CDK6: variants seen among roughly 807,000 people sequenced by gnomAD.
CDK6 encodes cyclin-dependent kinase 6.
CDK6 carries 6 observed loss-of-function variants against 37.1 expected under a neutral mutation model. The ratio of observed to expected loss-of-function variants is 0.16; its 90% confidence interval spans 0.09 to 0.32. The LOEUF is 0.32. CDK6 is among the 10% of genes least tolerant of loss of function. The probability of loss-of-function intolerance (pLI) is 1.00; values close to 1 mark genes in which losing one functional copy is unlikely to be tolerated. For synonymous variants in CDK6, 160 were observed against 161.3 expected (o/e 0.99, Z 0.06); for missense variants, 224 against 418.9 (o/e 0.53, Z 4.06).
At chr7:92,734,914 T>C (rs1009800017) in intron 3 of CDK6, among the ~76,000 whole-genome samples, 1 of 152,150 alleles carries the variant, frequency 6.6e-6, no homozygotes, top group African/African-American at 2.4e-5. Flanking sequence ...TATCTTACCA[T>C]CTCTTTCAGA....
At chr7:92,697,860 T>C (rs1797756123) in intron 4 of CDK6, among the ~76,000 whole-genome samples, 1 of 152,230 alleles carries the variant, frequency 6.6e-6, no homozygotes, top group Non-Finnish European at 1.5e-5. Context: ...ATTTATATAT[T>C]AATTTCACAT....
At chr7:92,649,789 T>C (rs1161278568) in intron 5 of CDK6, among the ~76,000 whole-genome samples, 1 of 152,182 alleles carries the variant, frequency 6.6e-6, no homozygotes, top group Non-Finnish European at 1.5e-5. Flanking sequence ...TGTGCTTAAC[T>C]ACCTTTGGAA....
At chr7:92,621,415 T>C (rs1795803000) in intron 6 of CDK6, among the ~76,000 whole-genome samples, 1 of 152,184 alleles carries the variant, frequency 6.6e-6, no homozygotes. Flanking sequence ...TTCTGGTCCA[T>C]TTCACTGGCC....
chr7:92,725,313 G>A (rs753752829), intron 4 of CDK6: 7 of 985,276 alleles, frequency 7.1e-6, no homozygotes, highest in African/African-American at 1.7e-5. Context: ...CCTAGGCATT[G>A]TACATACAGC....
At chr7:92,625,000 G>T (rs1401225468) in intron 5 of CDK6, among the ~76,000 whole-genome samples, 2 of 151,892 alleles carry the variant, frequency 1.3e-5, no homozygotes, top group East Asian at 3.9e-4. Context: ...TGGGGAAAGG[G>T]TCTGTTTGGC....
intron 2 of CDK6, among the ~76,000 whole-genome samples, chr7:92,807,366 T>A (rs1054694263): frequency 2.0e-5 from 3 of 151,996 alleles, no homozygotes; most frequent in African/African-American, 7.2e-5. Flanking sequence ...TCTGTATCTA[T>A]ATCTAGATAT....
chr7:92,665,669 A>G (rs542647701), intron 5 of CDK6, among the ~76,000 whole-genome samples: 1 of 152,356 alleles, frequency 6.6e-6, no homozygotes, highest in Admixed American at 6.5e-5. Flanking sequence ...CCAATACAGG[A>G]CAGATTCTAA....
At chr7:92,818,202 C>G (rs932258784) in intron 2 of CDK6, among the ~76,000 whole-genome samples, 1 of 151,844 alleles carries the variant, frequency 6.6e-6, no homozygotes, top group African/African-American at 2.4e-5. Flanking sequence ...TGATTAAGAC[C>G]TATACATTAT....
intron 5 of CDK6, among the ~76,000 whole-genome samples, chr7:92,639,826 C>A (rs1485927956): frequency 6.6e-6 from 1 of 152,186 alleles, no homozygotes; most frequent in Admixed American, 6.5e-5. Flanking sequence ...TTTCCAACCA[C>A]AGATTAATAC....
At chr7:92,679,806 G>A (rs770713186) in intron 4 of CDK6, among the ~76,000 whole-genome samples, 3 of 150,158 alleles carry the variant, frequency 2.0e-5, no homozygotes, top group Non-Finnish European at 3.0e-5. Context: ...CTGCAACCTC[G>A]GTCTCCCGGG....
intron 4 of CDK6, among the ~76,000 whole-genome samples, chr7:92,697,711 C>T (rs886628895): frequency 1.3e-5 from 2 of 152,056 alleles, no homozygotes; most frequent in African/African-American, 2.4e-5. Flanking sequence ...TTGGGGACTC[C>T]AAGGCATGTC....
chr7:92,620,085 A>G (rs1054739319), intron 6 of CDK6, among the ~76,000 whole-genome samples: 1 of 152,148 alleles, frequency 6.6e-6, no homozygotes, highest in Non-Finnish European at 1.5e-5. Context: ...GAAATTGATT[A>G]TATTAATAAC....
intron 5 of CDK6, among the ~76,000 whole-genome samples, chr7:92,668,690 C>T (rs1261714552): frequency 1.3e-5 from 2 of 152,170 alleles, no homozygotes; most frequent in Non-Finnish European, 2.9e-5. Context: ...GAAGTCTCAA[C>T]TGGGTCAATA....
intron 2 of CDK6, among the ~76,000 whole-genome samples, chr7:92,832,767 C>T (rs1442508683): frequency 2.0e-5 from 3 of 152,206 alleles, no homozygotes; most frequent in Admixed American, 6.5e-5. Context: ...TTGGCTTATC[C>T]TGTCCCTAAA....
intron 5 of CDK6, among the ~76,000 whole-genome samples, chr7:92,629,174 G>A (rs919001947): frequency 2.0e-5 from 3 of 151,998 alleles, no homozygotes; most frequent in Non-Finnish European, 4.4e-5. Flanking sequence ...AGACTGATAG[G>A]AAAAAACCTC....
rs912308159 is a variant in CDK6 at position 92,618,122 on chromosome 7, T to C, written c.784A>G (p.Ile262Val). The change falls in exon 7 of 8, where the codon ATT (isoleucine) becomes GTT (valine). Residue 262 changes from isoleucine (I) to valine (V), a missense_variant. By Grantham distance (29) the Ile-to-Val change is conservative. Around this residue, in one of 5 missense-constraint regions of CDK6, gnomAD observed 90 missense variants for 136.2 expected, o/e 0.66. Transcript: ENST00000424848. ...QAFHSKSAQP[I>V]EKFVTDIDEL... ...TCGATATCTGTTACAAACTTCTCAA[T>C]TGGTTGGGCAGATTTTGAATGAAAA... is the stretch of plus-strand genomic sequence containing the variant. 9.3e-6 allele frequency: 15 copies of C among 1,614,012 alleles called. No homozygotes were observed. The highest frequency in any genetic ancestry group is 5.5e-5 in the South Asian group (5 of 91,090).
chr7:92,764,936 A>G (rs1042079195), intron 3 of CDK6, among the ~76,000 whole-genome samples: 1 of 152,174 alleles, frequency 6.6e-6, no homozygotes, highest in Non-Finnish European at 1.5e-5. Flanking sequence ...ATTGTTGGCA[A>G]TTGCTCTAGT....
intron 4 of CDK6, among the ~76,000 whole-genome samples, chr7:92,703,592 T>C (rs534217722): frequency 6.6e-6 from 1 of 152,332 alleles, no homozygotes; most frequent in East Asian, 1.9e-4. Context: ...GAATGTGTTA[T>C]ATAAAAGAAT....
At chr7:92,691,421 T>C (rs904784003) in intron 4 of CDK6, among the ~76,000 whole-genome samples, 9 of 152,186 alleles carry the variant, frequency 5.9e-5, no homozygotes, top group Non-Finnish European at 1.5e-5. Flanking sequence ...ATCAAGAAAC[T>C]AATATTTATT....
Sources: gnomAD v4.1 joint callset for allele counts (sites outside exome capture counted in the v4.1 genomes callset) on GRCh38, gnomAD v4.1.1 for gene constraint, gnomAD v4.1.1 regional missense constraint, MANE v1.5 for transcripts, NCBI Gene and HGNC (gene_info 2026-07-23, HGNC 2026-07-21) for gene names.